The following TNPO3 variants were observed in gnomAD, a reference collection of about 807,000 sequenced individuals.
TNPO3 encodes transportin 3.
Under a neutral mutation model 122.8 loss-of-function variants are expected in TNPO3, and 65 were observed. The ratio of observed to expected loss-of-function variants is 0.53; its 90% CI spans 0.43 to 0.65. The LOEUF is 0.65. Among genes scored for constraint, TNPO3 ranks in the 30% least tolerant of loss-of-function variants. The pLI, the probability that TNPO3 is intolerant of heterozygous loss-of-function variation, is 0.00. For missense variants in TNPO3, 850 were observed against 1,136.7 expected (o/e 0.75, Z 3.63); for synonymous variants, 372 against 411.2 (o/e 0.90, Z 1.15).
At chr7:128,983,954 G>T (rs919266500) in intron 13 of TNPO3, among the ~76,000 whole-genome samples, 7 of 152,110 alleles carry the variant, frequency 4.6e-5, no homozygotes, top group African/African-American at 1.7e-4. Context: ...ATAAAATTTG[G>T]TTTTTCTGTT....
chr7:129,055,256 G>A (rs1030040396), upstream of TNPO3: 2 of 161,744 alleles, frequency 1.2e-5, no homozygotes, highest in African/African-American at 4.8e-5. Context: ...GGGAAGAAGA[G>A]CCGGTGTTCT....
intron 12 of TNPO3, among the ~76,000 whole-genome samples, chr7:128,984,707 C>T (rs1420859047): frequency 6.6e-6 from 1 of 152,186 alleles, no homozygotes; most frequent in Non-Finnish European, 1.5e-5. Flanking sequence ...AGAGATTTCA[C>T]TCTTACACCA....
In TNPO3 at chr7:129,054,851, C is replaced by T; in HGVS notation, c.-81G>A. The T allele has an allele frequency of 1.3e-6, 2 of 1,595,618 alleles. No individual in the cohort carries two copies. The highest frequency in any genetic ancestry group is 1.3e-5 in the African/African-American group (1 of 74,730). On this transcript the variant is annotated 5_prime_UTR_variant, in exon 1 of 23. It removes the in-frame stop codon of an upstream open reading frame in the 5' UTR. Coordinates refer to ENST00000265388, the MANE Select transcript of TNPO3 (RefSeq NM_012470.4). ...CGGTTGCTCCGCCTTCGCGCTTCCTCACTGTCTGGGCCACGGCCGCTCCCT... is the reference window on the plus strand; with the variant it reads ...CGGTTGCTCCGCCTTCGCGCTTCCTTACTGTCTGGGCCACGGCCGCTCCCT...
At chr7:129,031,063 T>A (rs1190545951) in intron 1 of TNPO3, among the ~76,000 whole-genome samples, 1 of 152,196 alleles carries the variant, frequency 6.6e-6, no homozygotes, top group Non-Finnish European at 1.5e-5. Flanking sequence ...GGCGGGCAGA[T>A]CACTTGAAGT....
At chr7:129,015,217 CACA>C (rs1266761465) in intron 3 of TNPO3, 82 bp from the exon 4 acceptor site, 13 of 1,444,478 alleles carry the variant, frequency 9.0e-6, no homozygotes, top group Middle Eastern at 1.8e-4. Context: ...CAGAGTAACT[CACA>C]ACAACAAAAG....
intron 13 of TNPO3, among the ~76,000 whole-genome samples, chr7:128,983,394 G>A (rs1299666646): frequency 6.6e-6 from 1 of 152,004 alleles, no homozygotes; most frequent in Non-Finnish European, 1.5e-5. Flanking sequence ...TTTTAGTAGA[G>A]ACCAGGGTTT....
chr7:128,956,535 T>C (rs150351655), intron 22 of TNPO3, among the ~76,000 whole-genome samples: 4 of 152,330 alleles, frequency 2.6e-5, no homozygotes, highest in Admixed American at 6.5e-5. Context: ...CTGAAACTTT[T>C]TGAACGCTGA....
intron 18 of TNPO3, among the ~76,000 whole-genome samples, chr7:128,973,735 CAAAAAAAAAAAAAA>C (rs71162544): frequency 3.8e-4 from 2 of 5,270 alleles, no homozygotes; most frequent in Non-Finnish European, 5.5e-4. Flanking sequence ...GACTCCGTCT[CAAAAAAAAAAAAAA>C]AAAAAAAAAA....
At chr7:128,996,540 G>A (rs553003177) in intron 8 of TNPO3, among the ~76,000 whole-genome samples, 14 of 151,836 alleles carry the variant, frequency 9.2e-5, no homozygotes, top group South Asian at 2.1e-4. Context: ...TCAGGAGATC[G>A]AGACCATCCT....
intron 1 of TNPO3, among the ~76,000 whole-genome samples, chr7:129,048,643 TAA>T (rs1378499564): frequency 1.4e-5 from 2 of 138,548 alleles, no homozygotes; most frequent in Non-Finnish European, 1.6e-5. Flanking sequence ...ATAAAGGATT[TAA>T]AAAAAAAAAA....
In TNPO3 at chr7:129,001,054, C is replaced by T; in HGVS notation, c.872+5G>A. 6.2e-7 allele frequency: 1 copy of T among 1,613,138 alleles called. No individual in the cohort carries two copies. The highest frequency in any genetic ancestry group is 8.5e-7 in the Non-Finnish European group (1 of 1,179,138). On this transcript the variant is annotated splice_donor_5th_base_variant and intron_variant, in intron 6 of 22. Coordinates refer to ENST00000265388, the MANE Select transcript of TNPO3 (RefSeq NM_012470.4). ...CCAGGGCTCCAGACTTAAACAATTA[C>T]TCACTTGTCTAAATCTTCACGTGCC...
chr7:129,006,633 G>C (rs1268686863), intron 4 of TNPO3, among the ~76,000 whole-genome samples: 2 of 152,224 alleles, frequency 1.3e-5, no homozygotes. Flanking sequence ...AGGCATGAGA[G>C]TGGGGGTGAA....
intron 19 of TNPO3, chr7:128,970,772 C>G (rs1180811336): frequency 1.3e-5 from 2 of 154,194 alleles, no homozygotes; most frequent in African/African-American, 4.8e-5. Context: ...CCAGCCACTC[C>G]AAAGGCGCAG....
In TNPO3 at chr7:129,017,970, A is replaced by G. The variant is rs1804036136; in HGVS notation, c.308T>C (p.Val103Ala). Residue 103 changes from valine to alanine, a missense_variant, in exon 2 of 23, where the codon GTT (valine) becomes GCT (alanine). Transcript: ENST00000265388. ...CACAGGATTTACCTGCGTTACAATA[A>G]CAGGTGACAAGTCTTTCAAGTTCTG... is the stretch of plus-strand genomic sequence containing the variant. ...HIQNLKDLSP[V>A]IVTQLALAIA... 1 of 1,614,110 alleles carries G rather than the reference A, an allele frequency of 6.2e-7. No individual in the cohort carries two copies. Among genetic ancestry groups the G allele is most frequent in the Non-Finnish European group, 8.5e-7 (1 of 1,179,988 alleles).
rs1253669617 is a variant in TNPO3, at chr7:129,003,673, T to C, written c.696+1343A>G. On this transcript the variant is annotated intron_variant, in intron 5 of 22. Coordinates refer to ENST00000265388, the MANE Select transcript of TNPO3 (RefSeq NM_012470.4). ...GACAGGGAGACACCCTGACTCCCTG[T>C]GACACTCCCCCTAAAAAGAAAAAAA... Among the ~76,000 whole-genome samples, 3 of 151,988 alleles carry C rather than the reference T, an allele frequency of 2.0e-5. No homozygotes were observed. In the East Asian group the frequency reaches 5.8e-4, roughly 29 times the overall value.
Position 129,018,077 on chromosome 7 carries a change from C to G in TNPO3, c.201G>C (p.Met67Ile). 2 of 1,614,166 alleles carry G rather than the reference C, an allele frequency of 1.2e-6. No individual in the cohort carries two copies. The highest frequency in any genetic ancestry group is 1.7e-6 in the Non-Finnish European group (2 of 1,180,022). Residue 67 changes from methionine to isoleucine, a missense_variant, in exon 2 of 23, where the codon ATG (methionine) becomes ATC (isoleucine). By Grantham distance (10) the Met-to-Ile change is conservative. Transcript: ENST00000265388. ...VESCYFAAQT[M>I]KMKIQTSFYE... The stretch of plus-strand genomic sequence containing the variant: ...AAAATGAGGTCTGAATCTTCATTTT[C>G]ATGGTCTGTGCAGCAAAATAGCATG...
chr7:129,056,002 G>C (rs1809421725), upstream of TNPO3: 5 of 891,678 alleles, frequency 5.6e-6, no homozygotes, highest in Non-Finnish European at 9.2e-6. Context: ...GACCTACAGC[G>C]CCTCAGCTCC....
rs1808118704 is a variant in TNPO3 at position 129,046,882 on chromosome 7, A to G, written c.120+7769T>C. Among the ~76,000 whole-genome samples, 2 of 152,198 alleles carry G rather than the reference A, an allele frequency of 1.3e-5. 1 individual carries two copies. The highest frequency in any genetic ancestry group is 6.3e-3 in the Middle Eastern group (2 of 316). ...ACTTATTCACTACCACAAGAACAGTATGAGGGAACCCCCCATCATGATTCA... is the reference window on the plus strand; with the variant it reads ...ACTTATTCACTACCACAAGAACAGTGTGAGGGAACCCCCCATCATGATTCA... On this transcript the variant is annotated intron_variant, in intron 1 of 22. Transcript: ENST00000265388.
intron 1 of TNPO3, among the ~76,000 whole-genome samples, chr7:129,035,950 C>CTTTTTTTTTTTT (rs71162551): frequency 3.3e-5 from 4 of 119,936 alleles, no homozygotes; most frequent in Admixed American, 9.5e-5. Flanking sequence ...CTTTTCTTTT[C>CTTTTTTTTTTTT]TTTTTTTTTT....
Sources: gnomAD v4.1 joint callset for allele counts (sites outside exome capture counted in the v4.1 genomes callset) on GRCh38, gnomAD v4.1.1 for gene constraint, MANE v1.5 for transcripts, NCBI Gene and HGNC (gene_info 2026-07-23, HGNC 2026-07-21) for gene names.